Variants in THSD4 observed in about 807,000 individuals in gnomAD.
The protein encoded by THSD4 is thrombospondin type 1 domain containing 4.
In THSD4, 69 loss-of-function variants were observed where a neutral mutation model predicts 119.0. That is an observed-to-expected ratio of 0.58 (90% CI 0.48 to 0.71). The LOEUF (loss-of-function observed/expected upper bound fraction) is 0.71, where lower values mean the gene tolerates loss of function less well. THSD4 is among the 30% of genes least tolerant of loss of function. The pLI, the probability that THSD4 is intolerant of heterozygous loss-of-function variation, is 0.00. For synonymous variants in THSD4, 524 were observed against 540.4 expected, an observed-to-expected ratio of 0.97 and a Z score of 0.42; for missense variants, 1,393 against 1,391.1, an observed-to-expected ratio of 1.00 and a Z score of -0.02.
At chr15:71,366,879 G>A (rs2045971957) in intron 6 of THSD4, among the ~76,000 whole-genome samples, 1 of 152,132 alleles carries the variant, frequency 6.6e-6, no homozygotes, top group African/African-American at 2.4e-5. Flanking sequence ...ACCCTCTAAT[G>A]GTCTCAGTGA....
At chr15:71,764,822 A>T (rs2053687026) in intron 15 of THSD4, among the ~76,000 whole-genome samples, 198 bp from the exon 16 acceptor site, 1 of 152,246 alleles carries the variant, frequency 6.6e-6, no homozygotes, top group East Asian at 1.9e-4. Context: ...CCTAGTCTGC[A>T]TTTGGAGACA....
chr15:71,755,794 T>C (rs1567137735), intron 14 of THSD4, among the ~76,000 whole-genome samples: 3 of 148,752 alleles, frequency 2.0e-5, no homozygotes, highest in African/African-American at 7.5e-5. Context: ...GCCATGAGAA[T>C]TCCAAGGCTT....
At chr15:71,607,728 A>C (rs942251999) in intron 7 of THSD4, among the ~76,000 whole-genome samples, 5 of 152,172 alleles carry the variant, frequency 3.3e-5, no homozygotes, top group Admixed American at 2.0e-4. Flanking sequence ...ACATGAGGGC[A>C]TGTGGAAGGG....
intron 6 of THSD4, among the ~76,000 whole-genome samples, chr15:71,275,029 G>C (rs1365033096): frequency 1.3e-5 from 2 of 152,026 alleles, no homozygotes; most frequent in Non-Finnish European, 2.9e-5. Flanking sequence ...TTTCTACAAA[G>C]ACTGCCTTGC....
chr15:71,121,159 C>T (rs868474356), intron 1 of THSD4, among the ~76,000 whole-genome samples: 3 of 152,150 alleles, frequency 2.0e-5, no homozygotes, highest in African/African-American at 7.2e-5. Context: ...AGGGAGCCCA[C>T]CTCCTTTCCC....
At chr15:71,133,421 C>T (rs2040521428) in intron 1 of THSD4, among the ~76,000 whole-genome samples, 2 of 152,202 alleles carry the variant, frequency 1.3e-5, no homozygotes, top group South Asian at 4.1e-4. Flanking sequence ...TCGGGAACAC[C>T]TGCTGCACCC....
intron 5 of THSD4, among the ~76,000 whole-genome samples, chr15:71,249,805 G>A (rs549472359): frequency 1.2e-4 from 18 of 151,984 alleles, no homozygotes; most frequent in Admixed American, 4.6e-4. Flanking sequence ...ACTCTAAATG[G>A]CACATTAATA....
chr15:71,107,581 C>T (rs2040279451), intron 1 of THSD4, among the ~76,000 whole-genome samples: 1 of 152,218 alleles, frequency 6.6e-6, no homozygotes, highest in South Asian at 2.1e-4. Context: ...TTTCCACTCA[C>T]AGGACTGGGT....
In THSD4 at chr15:71,748,350, G is replaced by A. The variant is rs1439186499; in HGVS notation, c.2242-71G>A. ...ATGGGGCTGATCACAAAGGCTGCGG[G>A]CTCCATACTGGCAATTCTCTCCCAG... On this transcript the variant is annotated intron_variant, in intron 13 of 17. Transcript: ENST00000261862. 3.2e-6 allele frequency: 5 copies of A among 1,573,988 alleles called. No homozygotes were observed. The African/African-American group carries it at 5.4e-5, about 17-fold the overall frequency.
At chr15:71,334,516 G>C (rs2045467643) in intron 6 of THSD4, among the ~76,000 whole-genome samples, 1 of 152,158 alleles carries the variant, frequency 6.6e-6, no homozygotes, top group Non-Finnish European at 1.5e-5. Flanking sequence ...TTTTATCATT[G>C]TTCATGTCAT....
intron 7 of THSD4, among the ~76,000 whole-genome samples, chr15:71,454,305 T>C (rs2047307189): frequency 6.6e-6 from 1 of 152,184 alleles, no homozygotes; most frequent in South Asian, 2.1e-4. Flanking sequence ...CTCTTGCACC[T>C]CTAGGAAAGA....
chr15:71,156,428 T>G (rs2040778210), intron 3 of THSD4, among the ~76,000 whole-genome samples: 1 of 152,090 alleles, frequency 6.6e-6, no homozygotes, highest in South Asian at 2.1e-4. Flanking sequence ...CAGCTGATTT[T>G]TTTTGTATGA....
At chr15:71,135,502 C>G (rs2040543064) in intron 1 of THSD4, among the ~76,000 whole-genome samples, 1 of 151,892 alleles carries the variant, frequency 6.6e-6, no homozygotes, top group Non-Finnish European at 1.5e-5. Flanking sequence ...CTTCTAGACT[C>G]TCCTGTGCCT....
chr15:71,728,872 T>C, intron 9 of THSD4, 148 bp downstream of exon 9: 2 of 1,011,420 alleles, frequency 2.0e-6, no homozygotes, highest in Non-Finnish European at 3.0e-6. Context: ...CCTTGAATGC[T>C]TGGCGTTCAT....
At chr15:71,737,242 C>A (rs1304325075) in intron 10 of THSD4, among the ~76,000 whole-genome samples, 2 of 152,210 alleles carry the variant, frequency 1.3e-5, no homozygotes, top group African/African-American at 4.8e-5. Flanking sequence ...ATGTGCATTT[C>A]AAATTTGGAT....
At chr15:71,600,444 T>C (rs185594172) in intron 7 of THSD4, among the ~76,000 whole-genome samples, 1,528 of 152,380 alleles carry the variant, frequency 0.01, 20 homozygotes, top group Non-Finnish European at 0.014. Context: ...GGGAAGAATC[T>C]GTGTCTGAAT....
chr15:71,527,529 G>C (rs2048540054), intron 7 of THSD4, among the ~76,000 whole-genome samples: 1 of 152,018 alleles, frequency 6.6e-6, no homozygotes, highest in African/African-American at 2.4e-5. Flanking sequence ...GTGTTTGAAA[G>C]TGCAAAAAGG....
rs191037184 is a variant in THSD4 at position 71,563,333 on chromosome 15, T to G, written c.1153-97197T>G. ...GAAATCTCGGATAGTAAAGACTCTG[T>G]TAGTACCCTGAAGGCCGCTTACTTG... On this transcript the variant is annotated intron_variant, in intron 7 of 17. Transcript: ENST00000261862. Among the ~76,000 whole-genome samples, 135 of 152,250 alleles carry G rather than the reference T, an allele frequency of 8.9e-4. 1 individual carries two copies. In the Middle Eastern group the frequency reaches 0.01, roughly 12 times the overall value.
At chr15:71,693,568 G>A (rs143866924) in intron 8 of THSD4, among the ~76,000 whole-genome samples, 1 of 152,272 alleles carries the variant, frequency 6.6e-6, no homozygotes, top group Non-Finnish European at 1.5e-5. Flanking sequence ...ATGGCTTTGA[G>A]CCCAGGAGGT....
Sources: allele counts gnomAD v4.1 joint callset (sites outside exome capture counted in the v4.1 genomes callset), GRCh38; gene constraint gnomAD v4.1.1; transcripts MANE v1.5; gene names NCBI Gene and HGNC (gene_info 2026-07-23, HGNC 2026-07-21).